The following UBE2D2 variants were observed in gnomAD, a reference collection of about 807,000 sequenced individuals.
UBE2D2 encodes the protein ubiquitin-conjugating enzyme E2 D2.
Under a neutral mutation model 24.2 loss-of-function variants are expected in UBE2D2, and 2 were observed. The observed-to-expected ratio is 0.08, with a 90% CI of 0.03 to 0.26. The LOEUF (loss-of-function observed/expected upper bound fraction) is 0.26. Among genes scored for constraint, UBE2D2 ranks in the 10% least tolerant of loss-of-function variants. The pLI is 1.00. For missense variants in UBE2D2, 44 were observed against 177.6 expected (o/e 0.25, Z 4.28); for synonymous variants, 58 against 56.5 (o/e 1.03, Z -0.12).
intron 1 of UBE2D2, among the ~76,000 whole-genome samples, chr5:139,536,192 C>T (rs1752680169): frequency 1.3e-5 from 2 of 152,140 alleles, no homozygotes; most frequent in African/African-American, 4.8e-5. Context: ...CTCCACCTCC[C>T]AGGTTCCAGC....
intron 1 of UBE2D2, among the ~76,000 whole-genome samples, chr5:139,555,714 G>A (rs963025070): frequency 1.3e-5 from 2 of 151,850 alleles, no homozygotes; most frequent in African/African-American, 4.8e-5. Context: ...GGATCACGAG[G>A]TCAAGAGATA....
At position 139,600,353 on chromosome 5, in the gene UBE2D2, T is replaced by C. The variant is rs780961540; in HGVS notation, c.25-19T>C. 6.8e-6 allele frequency: 11 copies of C among 1,612,748 alleles called. No homozygotes were observed. Among genetic ancestry groups the C allele is most frequent in the Non-Finnish European group, 9.3e-6 (11 of 1,179,428 alleles). ...TACATTTATGTTGAATATATTTCTT[T>C]TCTTTCTTTTTTCTGTAGGAATTGA... On this transcript the variant is annotated intron_variant, in intron 1 of 6. Transcript: ENST00000398733.
chr5:139,546,903 C>CT (rs754571224), intron 1 of UBE2D2, among the ~76,000 whole-genome samples: 8 of 139,084 alleles, frequency 5.8e-5, no homozygotes, highest in East Asian at 2.1e-4. Context: ...TTCTTTCTTT[C>CT]TTTTTTTTTG....
chr5:139,584,530 TTTC>T (rs1253380370), intron 1 of UBE2D2, among the ~76,000 whole-genome samples: 4 of 122,982 alleles, frequency 3.3e-5, no homozygotes, highest in African/African-American at 1.8e-4. Flanking sequence ...TTTCTTTTCT[TTTC>T]TTTTTTTTTT....
In UBE2D2 at chr5:139,590,425, A is replaced by T. The variant is rs1455702131; in HGVS notation, c.25-9947A>T. The stretch of plus-strand genomic sequence containing the variant: ...ACTTCAGCCTGGGCAATAGAGCAAG[A>T]CTCTGTCTCAAAAAAAATAAAAAAA... On this transcript the variant is annotated intron_variant, in intron 1 of 6. Coordinates refer to ENST00000398733, the MANE Select transcript of UBE2D2 (RefSeq NM_003339.3). Among the ~76,000 whole-genome samples the T allele has an allele frequency of 1.3e-5, 2 of 149,644 alleles. 1 individual carries two copies. Among genetic ancestry groups the T allele is most frequent in the South Asian group, 4.2e-4 (2 of 4,748 alleles).
chr5:139,527,529 TAGAC>T (rs1402562435), intron 1 of UBE2D2, among the ~76,000 whole-genome samples: 1 of 152,206 alleles, frequency 6.6e-6, no homozygotes, highest in Non-Finnish European at 1.5e-5. Context: ...CTTGTGGCCT[TAGAC>T]AGTCTAGTCA....
chr5:139,609,717 GCTTT>G (rs1282141129), intron 2 of UBE2D2, among the ~76,000 whole-genome samples: 7 of 148,572 alleles, frequency 4.7e-5, no homozygotes, highest in Admixed American at 6.7e-5. Context: ...TTTATTAAGT[GCTTT>G]CTTTCTTTTT....
intron 1 of UBE2D2, among the ~76,000 whole-genome samples, chr5:139,553,896 C>G (rs554276400): frequency 1.3e-5 from 2 of 152,256 alleles, no homozygotes; most frequent in Non-Finnish European, 2.9e-5. Context: ...TCTCGTGCCT[C>G]AGCCTCCTAA....
chr5:139,537,131 T>A (rs548742707), intron 1 of UBE2D2, among the ~76,000 whole-genome samples: 2 of 148,154 alleles, frequency 1.3e-5, no homozygotes, highest in Non-Finnish European at 3.0e-5. Context: ...TGCAGTGAGC[T>A]GAGATCATGC....
At chr5:139,583,626 G>A (rs1219086596) in intron 1 of UBE2D2, among the ~76,000 whole-genome samples, 2 of 152,094 alleles carry the variant, frequency 1.3e-5, no homozygotes, top group Admixed American at 6.6e-5. Context: ...GCTGGGCGTG[G>A]TGTCAGGTGC....
intron 2 of UBE2D2, among the ~76,000 whole-genome samples, chr5:139,604,402 C>G (rs1410989334): frequency 6.6e-6 from 1 of 151,882 alleles, no homozygotes; most frequent in Non-Finnish European, 1.5e-5. Flanking sequence ...CCTCCCAAAG[C>G]GCTGGAATTA....
chr5:139,560,035 G>GT (rs1167994026), upstream of UBE2D2, among the ~76,000 whole-genome samples: 6,538 of 133,902 alleles, frequency 0.049, 206 homozygotes, highest in Admixed American at 0.087. Flanking sequence ...CACGAGGTTG[G>GT]TTTTTTTTTT....
At chr5:139,619,586 A>T (rs1461814892) in intron 5 of UBE2D2, among the ~76,000 whole-genome samples, 1 of 152,140 alleles carries the variant, frequency 6.6e-6, no homozygotes, top group Non-Finnish European at 1.5e-5. Context: ...GGGTTTTGCC[A>T]GGTGCGGTGG....
chr5:139,620,040 TGTTAAACAGCCA>T lies in UBE2D2; in HGVS notation c.305-3326_305-3315del, dbSNP rs796285900. Among the ~76,000 whole-genome samples, 40 of 152,222 alleles carry T rather than the reference TGTTAAACAGCCA, an allele frequency of 2.6e-4. 1 individual carries two copies. The highest frequency in any genetic ancestry group is 9.2e-4 in the African/African-American group (38 of 41,528). On this transcript the variant is annotated intron_variant, in intron 5 of 6. Transcript: ENST00000398733. ...GAGAGATGGGGGAGGTGCCACACAC[TGTTAAACAGCCA>T]GATCTCATGAGAACTCTATCACAAG...
intron 1 of UBE2D2, among the ~76,000 whole-genome samples, chr5:139,551,533 T>C (rs1331149736): frequency 6.6e-6 from 1 of 152,186 alleles, no homozygotes; most frequent in African/African-American, 2.4e-5. Flanking sequence ...GCTACTGTCT[T>C]ACCCAAAACC....
chr5:139,585,352 A>G (rs983431039), intron 1 of UBE2D2, among the ~76,000 whole-genome samples: 38 of 151,806 alleles, frequency 2.5e-4, no homozygotes, highest in Non-Finnish European at 3.1e-4. Flanking sequence ...AGCTAGTACT[A>G]CAGGAATGTG....
At chr5:139,625,430 A>T (rs143180953) in intron 6 of UBE2D2, among the ~76,000 whole-genome samples, 4 of 21,980 alleles carry the variant, frequency 1.8e-4, no homozygotes, top group African/African-American at 2.0e-4. Context: ...ACCCACCCCC[A>T]CCCCCCCCCC....
chr5:139,560,568 G>T (rs1753052741), upstream of UBE2D2, among the ~76,000 whole-genome samples: 1 of 152,154 alleles, frequency 6.6e-6, no homozygotes, highest in African/African-American at 2.4e-5. Flanking sequence ...TTGACCTCAG[G>T]TGATGCGCCA....
chr5:139,588,991 C>T (rs909138072), intron 1 of UBE2D2, among the ~76,000 whole-genome samples: 27 of 151,978 alleles, frequency 1.8e-4, no homozygotes, highest in African/African-American at 6.0e-4. Flanking sequence ...ACAAGGTCTC[C>T]CTATGTTGCC....
Sources: allele counts gnomAD v4.1 joint callset (sites outside exome capture counted in the v4.1 genomes callset), GRCh38; gene constraint gnomAD v4.1.1; transcripts MANE v1.5; gene names NCBI Gene and HGNC (gene_info 2026-07-23, HGNC 2026-07-21).